Variants in MICU1 observed in about 807,000 individuals in gnomAD.
MICU1 encodes the protein calcium uptake protein 1, mitochondrial.
MICU1 carries 45 observed loss-of-function variants against 56.8 expected under a neutral mutation model. The observed-to-expected ratio is 0.79, with a 90% CI of 0.62 to 1.02. The LOEUF is 1.02. Ranked by LOEUF, MICU1 falls within the 50% of genes least tolerant of loss-of-function variation. The pLI is 0.00. For synonymous variants in MICU1, 186 were observed against 195.1 expected (o/e 0.95, Z 0.39); for missense variants, 504 against 587.1 (o/e 0.86, Z 1.46).
At chr10:72,406,579 A>T (rs1863637167) in intron 10 of MICU1, among the ~76,000 whole-genome samples, 1 of 151,766 alleles carries the variant, frequency 6.6e-6, no homozygotes, top group Non-Finnish European at 1.5e-5. Context: ...ACATTTCAGG[A>T]CTTTCATATA....
chr10:72,399,600 C>T (rs1267517957), intron 10 of MICU1, among the ~76,000 whole-genome samples: 5 of 150,410 alleles, frequency 3.3e-5, no homozygotes, highest in South Asian at 2.1e-4. Flanking sequence ...GGGCTGAGAT[C>T]GCGCCACTGT....
At chr10:72,625,983 T>G in intron 1 of MICU1, 27 bp downstream of exon 1, 1 of 152,760 alleles carries the variant, frequency 6.5e-6, no homozygotes, top group Non-Finnish European at 1.5e-5. Flanking sequence ...TGCTGTCTCC[T>G]TATACCCTCC....
chr10:72,545,597 T>C (rs1839876157), intron 4 of MICU1, among the ~76,000 whole-genome samples: 1 of 152,130 alleles, frequency 6.6e-6, no homozygotes, highest in South Asian at 2.1e-4. Context: ...AGATAGGGGT[T>C]GGGGAGAACC....
At chr10:72,426,743 G>A (rs1457393170) in intron 8 of MICU1, among the ~76,000 whole-genome samples, 1 of 152,108 alleles carries the variant, frequency 6.6e-6, no homozygotes, top group African/African-American at 2.4e-5. Context: ...TAACACAAAT[G>A]TTCCAAAATC....
chr10:72,590,430 G>A (rs1015206611), intron 1 of MICU1, among the ~76,000 whole-genome samples: 74 of 152,172 alleles, frequency 4.9e-4, no homozygotes, highest in African/African-American at 1.7e-3. Flanking sequence ...AATGAAGGTA[G>A]AAATAGACAG....
At position 72,513,762 on chromosome 10, in the gene MICU1, C is replaced by T. The variant is rs1002706867; in HGVS notation, c.538-5493G>A. Among the ~76,000 whole-genome samples the T allele has an allele frequency of 4.6e-5, 7 of 151,658 alleles. No individual in the cohort carries two copies. The East Asian group carries it at 5.8e-4, about 13-fold the overall frequency. The stretch of plus-strand genomic sequence containing the variant: ...GGGGGTTCACCTTCATTCTTTTGTA[C>T]GTGAATATCTAGTGGACCTTATACC... On this transcript the variant is annotated intron_variant, in intron 5 of 11. Coordinates refer to ENST00000361114, the MANE Select transcript of MICU1 (RefSeq NM_001195518.2).
intron 4 of MICU1, among the ~76,000 whole-genome samples, chr10:72,538,642 C>A (rs1373011995): frequency 1.3e-5 from 2 of 151,336 alleles, no homozygotes; most frequent in African/African-American, 4.9e-5. Flanking sequence ...AAAATAACCA[C>A]AAAGGAAGAC....
chr10:72,579,231 C>T lies in MICU1; in HGVS notation c.-1-12437G>A, dbSNP rs1840834191. 1.3e-5 allele frequency among the ~76,000 whole-genome samples: 2 copies of T among 152,054 alleles called. 1 individual carries two copies. The highest frequency in any genetic ancestry group is 4.1e-4 in the South Asian group (2 of 4,832). Reference sequence around the variant, plus strand: ...CACCTTATACTGGGTAATTCATAAACAACAAAAAATTATTGCTTATAGTTC... The same window carrying T: ...CACCTTATACTGGGTAATTCATAAATAACAAAAAATTATTGCTTATAGTTC... On this transcript the variant is annotated intron_variant, in intron 1 of 11. Coordinates refer to ENST00000361114, the MANE Select transcript of MICU1 (RefSeq NM_001195518.2).
intron 6 of MICU1, among the ~76,000 whole-genome samples, chr10:72,503,693 G>T (rs1867150983): frequency 6.6e-6 from 1 of 152,098 alleles, no homozygotes; most frequent in African/African-American, 2.4e-5. Context: ...CTGACAATAT[G>T]ATTCTATACC....
chr10:72,400,903 A>ACACACC (rs1564846584), intron 10 of MICU1, among the ~76,000 whole-genome samples: 1 of 147,956 alleles, frequency 6.8e-6, no homozygotes, highest in Non-Finnish European at 1.5e-5. Context: ...ACACACACAC[A>ACACACC]CCCTATATGA....
At chr10:72,420,898 A>G (rs1016971686) in intron 9 of MICU1, among the ~76,000 whole-genome samples, 4 of 149,572 alleles carry the variant, frequency 2.7e-5, no homozygotes, top group South Asian at 2.1e-4. Flanking sequence ...CTGGTCTTGA[A>G]CTTCTGGGCA....
intron 8 of MICU1, among the ~76,000 whole-genome samples, chr10:72,456,130 G>T (rs1028865396): frequency 1.3e-5 from 2 of 152,146 alleles, no homozygotes; most frequent in African/African-American, 2.4e-5. Context: ...GTTGAGAAAG[G>T]CAATGAGGTC....
At chr10:72,617,849 C>A (rs1249139627) in intron 1 of MICU1, among the ~76,000 whole-genome samples, 3 of 151,908 alleles carry the variant, frequency 2.0e-5, no homozygotes, top group Admixed American at 6.6e-5. Context: ...CAACAAAAAA[C>A]CAGCAAAGCT....
At chr10:72,513,161 A>T (rs552780935) in intron 5 of MICU1, among the ~76,000 whole-genome samples, 3 of 152,142 alleles carry the variant, frequency 2.0e-5, no homozygotes, top group Non-Finnish European at 2.9e-5. Context: ...CACCATTTAC[A>T]TTCCCATAAG....
intron 5 of MICU1, among the ~76,000 whole-genome samples, chr10:72,522,054 T>C (rs1052484619): frequency 1.3e-5 from 2 of 152,004 alleles, no homozygotes; most frequent in Non-Finnish European, 2.9e-5. Context: ...AAAACAAATA[T>C]GCAAATAAAG....
intron 6 of MICU1, among the ~76,000 whole-genome samples, chr10:72,480,803 A>G (rs568984317): frequency 4.6e-5 from 7 of 152,350 alleles, no homozygotes; most frequent in African/African-American, 1.7e-4. Context: ...TGTGAGTTCC[A>G]TGAAGGCATG....
At position 72,551,237 on chromosome 10, in the gene MICU1, C is replaced by T; in HGVS notation, c.435G>A (p.Val145=). The T allele has an allele frequency of 6.2e-7, 1 of 1,612,512 alleles. No homozygotes were observed. The highest frequency in any genetic ancestry group is 8.5e-7 in the Non-Finnish European group (1 of 1,179,222). The part of the protein sequence containing the change: ...KVISEPGEAE[V]FMTPEDFVRS... ...GCACAAAATCTTCTGGTGTCATAAACACTTCTGCTTCACCAGGCTCACTGA... is the reference window on the plus strand; with the variant it reads ...GCACAAAATCTTCTGGTGTCATAAATACTTCTGCTTCACCAGGCTCACTGA... The change falls in exon 4 of 12, where the codon GTG becomes GTA. Residue 145 remains valine (V), a synonymous_variant. Coordinates refer to ENST00000361114, the MANE Select transcript of MICU1 (RefSeq NM_001195518.2).
chr10:72,453,146 C>T (rs1201366915), intron 8 of MICU1, among the ~76,000 whole-genome samples: 1 of 152,174 alleles, frequency 6.6e-6, no homozygotes. Context: ...AGCAACTCCA[C>T]AATTTATTAT....
chr10:72,555,716 G>A (rs1409843105), intron 3 of MICU1, among the ~76,000 whole-genome samples: 2 of 152,200 alleles, frequency 1.3e-5, no homozygotes, highest in Admixed American at 1.3e-4. Flanking sequence ...ATGGATGGAA[G>A]ATTAGATGAG....
Sources: allele counts gnomAD v4.1 joint callset (sites outside exome capture counted in the v4.1 genomes callset), GRCh38; gene constraint gnomAD v4.1.1; transcripts MANE v1.5; gene names NCBI Gene and HGNC (gene_info 2026-07-23, HGNC 2026-07-21).